The following DHRSX variants were observed in gnomAD, a reference collection of about 807,000 sequenced individuals.
DHRSX encodes polyprenol dehydrogenase.
A neutral mutation model predicts 34.0 loss-of-function variants in DHRSX; 31 were observed. That is an observed-to-expected ratio of 0.91 (90% CI 0.69 to 1.23). DHRSX has a LOEUF of 1.23. DHRSX is among the 50% of genes most tolerant of loss of function. The pLI is 0.00. For missense variants in DHRSX, 414 were observed against 428.1 expected, an observed-to-expected ratio of 0.97 and a Z score of 0.29; for synonymous variants, 201 against 183.8, an observed-to-expected ratio of 1.09 and a Z score of -0.76.
intron 6 of DHRSX, among the ~76,000 whole-genome samples, chrX:2,232,210 A>G (rs1471260864): frequency 6.6e-6 from 1 of 151,808 alleles, no homozygotes; most frequent in Non-Finnish European, 1.5e-5. Flanking sequence ...CTAAAAAAAA[A>G]CTAGACAACC....
intron 5 of DHRSX, among the ~76,000 whole-genome samples, chrX:2,246,258 T>A: frequency 6.6e-6 from 1 of 152,292 alleles, no homozygotes; most frequent in Middle Eastern, 3.4e-3. Context: ...ACATCCGTCA[T>A]CATATGCGTT....
intron 1 of DHRSX, among the ~76,000 whole-genome samples, chrX:2,467,076 A>C (rs1372471073): frequency 7.0e-6 from 1 of 143,500 alleles, no homozygotes; most frequent in Non-Finnish European, 1.5e-5. Flanking sequence ...AAAAAAAAAA[A>C]AAAAAACGCT....
At chrX:2,408,288 C>A (rs1368606179) in intron 3 of DHRSX, among the ~76,000 whole-genome samples, 1 of 151,978 alleles carries the variant, frequency 6.6e-6, no homozygotes, top group African/African-American at 2.4e-5. Flanking sequence ...GTTGGCCAGG[C>A]TGGTCTCCAA....
intron 3 of DHRSX, among the ~76,000 whole-genome samples, chrX:2,299,728 G>A (rs1341290509): frequency 5.3e-5 from 8 of 151,920 alleles, no homozygotes; most frequent in Non-Finnish European, 8.8e-5. Flanking sequence ...GGTGGTGCAC[G>A]CCTGTAATCC....
At chrX:2,444,958 A>G (rs2044109829) in intron 1 of DHRSX, among the ~76,000 whole-genome samples, 1 of 152,146 alleles carries the variant, frequency 6.6e-6, no homozygotes, top group Non-Finnish European at 1.5e-5. Flanking sequence ...GGAGTTCGAG[A>G]CCAGCCTGGC....
intron 3 of DHRSX, among the ~76,000 whole-genome samples, chrX:2,318,893 G>A (rs1488225947): frequency 6.6e-6 from 1 of 151,888 alleles, no homozygotes; most frequent in Non-Finnish European, 1.5e-5. Flanking sequence ...CCTCTCTTGG[G>A]GTCAGGATCA....
intron 1 of DHRSX, among the ~76,000 whole-genome samples, chrX:2,438,675 A>AAT (rs1556517473): frequency 6.6e-6 from 1 of 151,006 alleles, no homozygotes; most frequent in Non-Finnish European, 1.5e-5. Context: ...CTCAAAATAA[A>AAT]AAAAAAAAAA....
chrX:2,433,270 A>G (rs2043950356), intron 1 of DHRSX, among the ~76,000 whole-genome samples: 2 of 152,224 alleles, frequency 1.3e-5, no homozygotes, highest in African/African-American at 4.8e-5. Flanking sequence ...AACCCCAAAC[A>G]TGCTACAAAG....
At chrX:2,456,961 G>A (rs780237921) in intron 1 of DHRSX, among the ~76,000 whole-genome samples, 1 of 151,890 alleles carries the variant, frequency 6.6e-6, no homozygotes, top group African/African-American at 2.4e-5. Context: ...GAGAAGGAAT[G>A]AATGGGGTCA....
intron 1 of DHRSX, among the ~76,000 whole-genome samples, chrX:2,429,269 C>T (rs2043887494): frequency 1.3e-5 from 2 of 152,128 alleles, no homozygotes; most frequent in Non-Finnish European, 2.9e-5. Context: ...ATTGTAATTA[C>T]AGACACACAG....
intron 3 of DHRSX, among the ~76,000 whole-genome samples, chrX:2,351,134 G>C (rs2042784350): frequency 1.3e-5 from 2 of 152,146 alleles, no homozygotes; most frequent in Admixed American, 1.3e-4. Flanking sequence ...AATGCATGCA[G>C]GGCTTAAAAC....
intron 3 of DHRSX, among the ~76,000 whole-genome samples, chrX:2,321,709 T>C (rs1453862227): frequency 6.6e-6 from 1 of 152,006 alleles, no homozygotes; most frequent in Non-Finnish European, 1.5e-5. Context: ...ATTTCTGTTA[T>C]TTATGCCACC....
chrX:2,223,424 G>A (rs1445199832), intron 6 of DHRSX, among the ~76,000 whole-genome samples: 1 of 151,988 alleles, frequency 6.6e-6, no homozygotes, highest in East Asian at 1.9e-4. Context: ...ACCCAGTCTT[G>A]GGCATGTCTT....
intron 3 of DHRSX, among the ~76,000 whole-genome samples, chrX:2,377,179 CTG>C (rs1198268846): frequency 1.3e-5 from 2 of 152,052 alleles, no homozygotes; most frequent in Non-Finnish European, 2.9e-5. Context: ...AAGACAGTCA[CTG>C]TGAGTGCAGG....
chrX:2,383,649 C>G (rs2043239212), intron 3 of DHRSX, among the ~76,000 whole-genome samples: 2 of 152,120 alleles, frequency 1.3e-5, no homozygotes, highest in East Asian at 3.9e-4. Flanking sequence ...CTTTTTATAT[C>G]CCAGTGATGT....
At chrX:2,247,391 A>C (rs111569569) in intron 5 of DHRSX, among the ~76,000 whole-genome samples, 7,131 of 152,036 alleles carry the variant, frequency 0.047, 596 homozygotes, top group African/African-American at 0.16. Flanking sequence ...GCAGTGGCTC[A>C]CACCTCTAAT....
chrX:2,261,391 T>C (rs1397783516), intron 5 of DHRSX: 6 of 152,168 alleles, frequency 3.9e-5, no homozygotes, highest in Admixed American at 3.3e-4. Flanking sequence ...GAATCTGCTC[T>C]GTAGCACCTA....
intron 1 of DHRSX, among the ~76,000 whole-genome samples, chrX:2,470,069 T>C (rs1250711074): frequency 6.6e-6 from 1 of 150,974 alleles, no homozygotes; most frequent in Non-Finnish European, 1.5e-5. Flanking sequence ...TATGCAGCCA[T>C]GAAAAAGGAA....
At chrX:2,481,145 G>A (rs182469623) in intron 1 of DHRSX, among the ~76,000 whole-genome samples, 43 of 152,066 alleles carry the variant, frequency 2.8e-4, no homozygotes, top group African/African-American at 8.4e-4. Context: ...ATGTGTACTC[G>A]GATTAAAACA....
Sources: gnomAD v4.1 joint callset for allele counts (sites outside exome capture counted in the v4.1 genomes callset) on GRCh38, gnomAD v4.1.1 for gene constraint, MANE v1.5 for transcripts, NCBI Gene and HGNC (gene_info 2026-07-23, HGNC 2026-07-21) for gene names.